Variants in LPIN1 observed in about 807,000 individuals in gnomAD.
LPIN1 encodes the protein lipin 1.
Under a neutral mutation model 107.5 loss-of-function variants are expected in LPIN1, and 71 were observed. That is an observed-to-expected ratio of 0.66 (90% confidence interval 0.55 to 0.80). The LOEUF (loss-of-function observed/expected upper bound fraction) is 0.80, where lower values mean the gene tolerates loss of function less well. Among genes scored for constraint, LPIN1 ranks in the 30% least tolerant of loss-of-function variants. LPIN1 has a pLI of 0.00. For synonymous variants in LPIN1, 445 were observed against 452.6 expected (o/e 0.98, Z 0.21); for missense variants, 1,043 against 1,160.6 (o/e 0.90, Z 1.47).
intron 6 of LPIN1, among the ~76,000 whole-genome samples, chr2:11,778,015 A>T (rs1383024147): frequency 1.3e-5 from 2 of 152,172 alleles, no homozygotes; most frequent in Non-Finnish European, 2.9e-5. Context: ...CATTGCAGTG[A>T]TACCGAACAC....
intron 1 of LPIN1, among the ~76,000 whole-genome samples, chr2:11,704,782 T>C (rs957234347): frequency 5.9e-5 from 9 of 152,194 alleles, no homozygotes; most frequent in Non-Finnish European, 1.3e-4. Context: ...CCTGCAGGGC[T>C]CTGCTCCATG....
At chr2:11,693,815 TATATATA>T (rs1363603440) in intron 1 of LPIN1, among the ~76,000 whole-genome samples, 24 of 36,060 alleles carry the variant, frequency 6.7e-4, no homozygotes, top group East Asian at 9.3e-4. Flanking sequence ...TATATATATA[TATATATA>T]TTTTTTTTTT....
In LPIN1 at chr2:11,824,947, C is replaced by G. The variant is rs1412787022; in HGVS notation, c.*156C>G. 1.2e-6 allele frequency: 1 copy of G among 813,208 alleles called. No individual in the cohort carries two copies. Among genetic ancestry groups the G allele is most frequent in the African/African-American group, 1.7e-5 (1 of 58,348 alleles). 50.4% of individuals were successfully genotyped at this position (813,208 alleles called of 1,614,324 possible). On this transcript the variant is annotated 3_prime_UTR_variant, in exon 21 of 21. Transcript: ENST00000674199. ...TGAGAAGCATTTCTCCCCTGCCCCA[C>G]CCCGGGGCTGACATTTCTAAGCAAG... is the stretch of plus-strand genomic sequence containing the variant.
At chr2:11,729,172 A>G (rs752561476) in intron 1 of LPIN1, among the ~76,000 whole-genome samples, 3 of 152,142 alleles carry the variant, frequency 2.0e-5, no homozygotes, top group Non-Finnish European at 4.4e-5. Context: ...GAGGAGGGAG[A>G]GCATTAGGAC....
At chr2:11,746,408 A>G (rs973205148), upstream of LPIN1, among the ~76,000 whole-genome samples, 1 of 152,178 alleles carries the variant, frequency 6.6e-6, no homozygotes, top group Non-Finnish European at 1.5e-5. Flanking sequence ...GGCTCTGGAA[A>G]GGAAAATCAG....
intron 8 of LPIN1, 38 bp downstream of exon 8, chr2:11,782,545 A>G (rs1673761091): frequency 2.5e-6 from 4 of 1,611,490 alleles, no homozygotes; most frequent in African/African-American, 2.7e-5. Context: ...TTTTCTGTTC[A>G]TAGTTTGTGC....
At chr2:11,691,097 T>G (rs1271576291) in intron 1 of LPIN1, among the ~76,000 whole-genome samples, 1 of 151,378 alleles carries the variant, frequency 6.6e-6, no homozygotes. Context: ...TTTTTTTTTT[T>G]TTCTCTCTCC....
chr2:11,772,973 G>A (rs969634592), intron 4 of LPIN1, among the ~76,000 whole-genome samples: 2 of 152,172 alleles, frequency 1.3e-5, no homozygotes, highest in African/African-American at 4.8e-5. Context: ...GCGTCATTGG[G>A]CTTCTTATAA....
At chr2:11,799,734 T>A (rs1201358422) in intron 14 of LPIN1, among the ~76,000 whole-genome samples, 1 of 152,096 alleles carries the variant, frequency 6.6e-6, no homozygotes, top group Admixed American at 6.5e-5. Context: ...TCTAGCCTGT[T>A]ACCTGCCTCC....
At chr2:11,805,438 G>A in intron 17 of LPIN1, 1 of 541,080 alleles carries the variant, frequency 1.8e-6, no homozygotes. Flanking sequence ...GTGAGACTGA[G>A]GTTTAGTTCA....
chr2:11,707,370 G>A lies in LPIN1; in HGVS notation c.82-6386G>A, dbSNP rs146924680. On this transcript the variant is annotated intron_variant, in intron 1 of 21. Coordinates refer to the LPIN1 transcript ENST00000449576. This position sits in a 1 kb window ranked among gnomAD's most constrained non-coding sequence, Gnocchi z 4.2. ...ACAGCTCATGCACAGTCTCTGAGGT[G>A]GAAGAAGCCACCATGGATGATGAAG... Among the ~76,000 whole-genome samples, 1 of 152,168 alleles carries A rather than the reference G, an allele frequency of 6.6e-6. No homozygotes were observed. The highest frequency in any genetic ancestry group is 1.9e-4 in the East Asian group (1 of 5,200).
At chr2:11,795,984 G>A (rs1297386157) in intron 14 of LPIN1, among the ~76,000 whole-genome samples, 6 of 152,190 alleles carry the variant, frequency 3.9e-5, no homozygotes, top group Admixed American at 6.5e-5. Context: ...ATACTGATCC[G>A]TATTTGTGGT....
Position 11,771,433 on chromosome 2 carries a change from A to G in LPIN1, c.350A>G (p.Glu117Gly). 6.2e-7 allele frequency: 1 copy of G among 1,614,250 alleles called. No homozygotes were observed. The highest frequency in any genetic ancestry group is 8.5e-7 in the Non-Finnish European group (1 of 1,180,042). Residue 117 changes from glutamate (E) to glycine (G), a missense_variant, in exon 4 of 21, where the codon GAA (glutamate) becomes GGA (glycine). Coordinates refer to ENST00000674199, the MANE Select transcript of LPIN1 (RefSeq NM_001349206.2). This position sits in a 1 kb window ranked among gnomAD's most constrained non-coding sequence, Gnocchi z 4.8. ...CTGTCAGAAGGAGCTTCGAGAATGG[A>G]ATGCCAGCTGAAAAGGGGCTCTGTG... ...PILSEGASRMECQLKRGSVDR... is the reference protein window; with the variant it reads ...PILSEGASRMGCQLKRGSVDR...
chr2:11,685,540 T>C (rs1661961160), intron 1 of LPIN1, among the ~76,000 whole-genome samples: 1 of 152,228 alleles, frequency 6.6e-6, no homozygotes, highest in Non-Finnish European at 1.5e-5. Flanking sequence ...TGCCTCAGTT[T>C]ACCTTTTAAC....
At chr2:11,695,343 G>A (rs1662517455) in intron 1 of LPIN1, among the ~76,000 whole-genome samples, 1 of 152,156 alleles carries the variant, frequency 6.6e-6, no homozygotes, top group Admixed American at 6.5e-5. Context: ...AACCATGGTC[G>A]GCAGCTTCAT....
At chr2:11,789,893 T>C (rs1367397444) in intron 12 of LPIN1, among the ~76,000 whole-genome samples, 1 of 151,916 alleles carries the variant, frequency 6.6e-6, no homozygotes. Flanking sequence ...TTTCTACAAG[T>C]CAGTAACTTT....
chr2:11,815,288 C>A (rs753415130), intron 18 of LPIN1, 48 bp downstream of exon 18: 1 of 1,608,080 alleles, frequency 6.2e-7, no homozygotes, highest in Non-Finnish European at 8.5e-7. Flanking sequence ...TGTTCAGACC[C>A]GCTCTCTTCC....
chr2:11,698,165 T>TC (rs2148513621), intron 1 of LPIN1, among the ~76,000 whole-genome samples: 1 of 152,306 alleles, frequency 6.6e-6, no homozygotes, highest in African/African-American at 2.4e-5. Flanking sequence ...GTGGCCATCC[T>TC]CACTTGACGT....
At chr2:11,796,525 G>T (rs765300097) in intron 14 of LPIN1, among the ~76,000 whole-genome samples, 15 of 152,144 alleles carry the variant, frequency 9.9e-5, no homozygotes, top group Non-Finnish European at 1.9e-4. Context: ...GCGGGACCTG[G>T]TAGGGGTGAG....
Sources: gnomAD v4.1 joint callset for allele counts (sites outside exome capture counted in the v4.1 genomes callset) on GRCh38, gnomAD v4.1.1 for gene constraint, Gnocchi (gnomAD v3.1) non-coding constraint, MANE v1.5 for transcripts, NCBI Gene and HGNC (gene_info 2026-07-23, HGNC 2026-07-21) for gene names.